IFT74: variants seen among roughly 807,000 people sequenced by gnomAD.
The protein encoded by IFT74 is intraflagellar transport 74.
IFT74 carries 92 observed loss-of-function variants against 96.7 expected under a neutral mutation model. That is an observed-to-expected ratio of 0.95 (90% CI 0.80 to 1.13). IFT74 has a LOEUF of 1.13. Among genes scored for constraint, IFT74 ranks in the 50% most tolerant of loss-of-function variants. IFT74 has a pLI of 0.00. For synonymous variants in IFT74, 223 were observed against 213.2 expected (o/e 1.05, Z -0.40); for missense variants, 811 against 698.2 (o/e 1.16, Z -1.82).
intron 13 of IFT74, among the ~76,000 whole-genome samples, chr9:27,035,793 C>T (rs1157786300): frequency 1.3e-5 from 2 of 152,132 alleles, no homozygotes; most frequent in African/African-American, 4.8e-5. Context: ...ATTATAATTA[C>T]AGTTTTTAAA....
intron 18 of IFT74, 39 bp from the exon 19 acceptor site, chr9:27,060,552 A>G: frequency 7.2e-7 from 1 of 1,380,546 alleles, no homozygotes; most frequent in Non-Finnish European, 1.0e-6. Flanking sequence ...ATTGTTTTAA[A>G]TATGGGTCCT....
chr9:26,986,478 G>C (rs1827641628), intron 6 of IFT74, among the ~76,000 whole-genome samples: 1 of 151,692 alleles, frequency 6.6e-6, no homozygotes, highest in South Asian at 2.1e-4. Context: ...ATCACACCAG[G>C]CTAATTTTTT....
At chr9:26,962,932 TTTTTTTTC>T (rs1481997390) in intron 2 of IFT74, among the ~76,000 whole-genome samples, 1 of 151,604 alleles carries the variant, frequency 6.6e-6, no homozygotes, top group Non-Finnish European at 1.5e-5. Context: ...ACTAATTTTT[TTTTTTTTC>T]TTTTTTTCTT....
chr9:26,982,511 C>T lies in IFT74; in HGVS notation c.306-1746C>T, dbSNP rs567584380. On this transcript the variant is annotated intron_variant, in intron 4 of 19. Transcript: ENST00000380062. ...TGCTCTTGTTGCCCAGGCTGGAGTG[C>T]AATGGCCTGATCTCTGGCACCGCAA... 2.3e-4 allele frequency: 73 copies of T among 311,340 alleles called. 1 individual carries two copies. Among genetic ancestry groups the T allele is most frequent in the Non-Finnish European group, 4.3e-4 (70 of 161,062 alleles). 19.3% of individuals were successfully genotyped at this position (311,340 alleles called of 1,614,324 possible).
intron 14 of IFT74, among the ~76,000 whole-genome samples, chr9:27,045,892 A>G (rs1819679625): frequency 6.6e-6 from 1 of 152,184 alleles, no homozygotes; most frequent in South Asian, 2.1e-4. Flanking sequence ...GAAAGGTGTA[A>G]AATCAAGGAA....
At chr9:27,010,702 A>T (rs1327763862) in intron 9 of IFT74, among the ~76,000 whole-genome samples, 1 of 147,724 alleles carries the variant, frequency 6.8e-6, no homozygotes, top group African/African-American at 2.5e-5. Flanking sequence ...CGTGTTAGCC[A>T]GGTGATCCGC....
intron 12 of IFT74, among the ~76,000 whole-genome samples, chr9:27,025,451 A>G (rs1829814977): frequency 6.6e-6 from 1 of 150,852 alleles, no homozygotes; most frequent in African/African-American, 2.4e-5. Flanking sequence ...TCCAAAAAAA[A>G]AAAAAAAAAA....
intron 4 of IFT74, among the ~76,000 whole-genome samples, chr9:26,983,005 T>A (rs919394239): frequency 6.6e-6 from 1 of 152,220 alleles, no homozygotes; most frequent in African/African-American, 2.4e-5. Flanking sequence ...TCTTCCCATT[T>A]TACTTCATTT....
chr9:26,984,641 A>AAT (rs1677742099), intron 6 of IFT74, 82 bp downstream of exon 6: 2 of 1,062,546 alleles, frequency 1.9e-6, no homozygotes, highest in Non-Finnish European at 2.9e-6. Flanking sequence ...TTAGTAGGCA[A>AAT]AGGACATGCA....
chr9:27,031,728 A>T (rs1357469312), intron 13 of IFT74, among the ~76,000 whole-genome samples: 2 of 141,796 alleles, frequency 1.4e-5, no homozygotes, highest in Non-Finnish European at 3.0e-5. Context: ...GCTAAATAAA[A>T]TAATAAATAA....
rs146440210 is a variant in IFT74 at position 27,014,735 on chromosome 9, G to A, written c.790-2172G>A. ...AGCAATTCTCCTGCCTCAGCCTCCC[G>A]AGTAGTGGGATTACAAGCGTGCATC... On this transcript the variant is annotated intron_variant, in intron 10 of 19. Coordinates refer to ENST00000380062, the MANE Select transcript of IFT74 (RefSeq NM_025103.4). 6.6e-3 allele frequency among the ~76,000 whole-genome samples: 998 copies of A among 152,116 alleles called. 13 individuals are homozygous for A. Among genetic ancestry groups the A allele is most frequent in the African/African-American group, 0.023 (935 of 41,494 alleles).
chr9:26,996,271 A>G (rs1282873719), intron 8 of IFT74: 1 of 1,142,442 alleles, frequency 8.8e-7, no homozygotes, highest in Non-Finnish European at 1.2e-6. Context: ...ATTTAGTATG[A>G]TACATTCAGC....
At chr9:27,017,754 C>T (rs745891193) in intron 11 of IFT74, among the ~76,000 whole-genome samples, 2 of 152,128 alleles carry the variant, frequency 1.3e-5, no homozygotes, top group Admixed American at 6.6e-5. Context: ...GTGAAATTAT[C>T]GTATGTCCTA....
intron 1 of IFT74, among the ~76,000 whole-genome samples, chr9:26,950,762 A>C (rs979891972): frequency 9.2e-5 from 14 of 152,192 alleles, no homozygotes; most frequent in African/African-American, 3.4e-4. Flanking sequence ...TTAATACTTT[A>C]ATGTGTGTTG....
At position 26,978,264 on chromosome 9, in the gene IFT74, G is replaced by T; in HGVS notation, c.256+1G>T. On this transcript the variant is annotated splice_donor_variant, in intron 3 of 19. Coordinates refer to ENST00000380062, the MANE Select transcript of IFT74 (RefSeq NM_025103.4). LOFTEE classifies it high-confidence loss of function. Reference sequence around the variant, plus strand: ...ACTGGAATGAAAACTGGGACGAAAGGTACCTATTTTAAGATAAGTATGACA... The same window carrying T: ...ACTGGAATGAAAACTGGGACGAAAGTTACCTATTTTAAGATAAGTATGACA... The T allele has an allele frequency of 6.2e-7, 1 of 1,612,262 alleles. No homozygotes were observed. The highest frequency in any genetic ancestry group is 8.5e-7 in the Non-Finnish European group (1 of 1,179,582).
At chr9:26,953,357 A>G (rs1269733051), upstream of IFT74, among the ~76,000 whole-genome samples, 1 of 152,084 alleles carries the variant, frequency 6.6e-6, no homozygotes, top group Admixed American at 6.6e-5. Context: ...GTGTTGTTTG[A>G]TTTTTTTCCT....
At chr9:27,049,448 G>C (rs1819833355) in intron 16 of IFT74, among the ~76,000 whole-genome samples, 1 of 152,178 alleles carries the variant, frequency 6.6e-6, no homozygotes, top group Non-Finnish European at 1.5e-5. Context: ...CAGGGATGCA[G>C]ACTTGAGCTG....
At chr9:26,992,705 AT>A (rs1827942243) in intron 8 of IFT74, among the ~76,000 whole-genome samples, 1 of 152,106 alleles carries the variant, frequency 6.6e-6, no homozygotes, top group Admixed American at 6.6e-5. Context: ...AAAAAAAAAA[AT>A]AACAAAAAGT....
intron 16 of IFT74, among the ~76,000 whole-genome samples, chr9:27,050,113 A>T (rs1819857974): frequency 6.6e-6 from 1 of 152,114 alleles, no homozygotes; most frequent in Non-Finnish European, 1.5e-5. Flanking sequence ...GCTGGAGTGC[A>T]GTGGCGTGAT....
Sources: gnomAD v4.1 joint callset for allele counts (sites outside exome capture counted in the v4.1 genomes callset) on GRCh38, gnomAD v4.1.1 for gene constraint, MANE v1.5 for transcripts, NCBI Gene and HGNC (gene_info 2026-07-23, HGNC 2026-07-21) for gene names.